UPP2: variants seen among roughly 807,000 people sequenced by gnomAD.
UPP2 encodes the protein uridine phosphorylase 2.
In UPP2, 23 loss-of-function variants were observed where a neutral mutation model predicts 26.7. The observed-to-expected ratio is 0.86, with a 90% CI of 0.62 to 1.22. UPP2 has a LOEUF of 1.22. UPP2 is among the 50% of genes most tolerant of loss of function. UPP2 has a pLI of 0.00. For synonymous variants in UPP2, 127 were observed against 141.3 expected (o/e 0.90, Z 0.72); for missense variants, 387 against 396.7 (o/e 0.98, Z 0.21).
chr2:158,004,267 G>A (rs1683452914), intron 2 of UPP2, among the ~76,000 whole-genome samples: 2 of 151,950 alleles, frequency 1.3e-5, no homozygotes, highest in Non-Finnish European at 2.9e-5. Flanking sequence ...ATCGTCGGGG[G>A]ATGATCTGCC....
At chr2:158,037,218 CA>C (rs1015149584) in intron 3 of UPP2, among the ~76,000 whole-genome samples, 4 of 149,524 alleles carry the variant, frequency 2.7e-5, no homozygotes, top group South Asian at 2.1e-4. Flanking sequence ...ACTAAAAATA[CA>C]AAAAAATTAG....
chr2:158,118,158 A>G (rs1683481982), intron 4 of UPP2, among the ~76,000 whole-genome samples: 1 of 151,804 alleles, frequency 6.6e-6, no homozygotes. Context: ...CTCACTGCCT[A>G]TTGCGGGATA....
At chr2:158,118,014 A>G in intron 4 of UPP2, 76 bp downstream of exon 4, 1 of 1,259,376 alleles carries the variant, frequency 7.9e-7, no homozygotes, top group South Asian at 1.3e-5. Context: ...ATAACATCCT[A>G]TTCAGAGCCC....
At chr2:158,038,087 C>A (rs930137232) in intron 3 of UPP2, among the ~76,000 whole-genome samples, 2 of 152,198 alleles carry the variant, frequency 1.3e-5, no homozygotes, top group Non-Finnish European at 2.9e-5. Context: ...GCCTAAAAGA[C>A]AAAGGCTCTA....
intron 3 of UPP2, among the ~76,000 whole-genome samples, chr2:158,031,935 C>T (rs1258018155): frequency 6.6e-6 from 1 of 152,142 alleles, no homozygotes; most frequent in African/African-American, 2.4e-5. Context: ...AAGATACCTC[C>T]CTCGAGTATG....
At chr2:158,094,234 C>A (rs535546019) in intron 3 of UPP2, among the ~76,000 whole-genome samples, 2 of 151,912 alleles carry the variant, frequency 1.3e-5, no homozygotes, top group Non-Finnish European at 2.9e-5. Context: ...TTAATGAAAT[C>A]TTTCCTTTAA....
At chr2:158,058,052 G>T (rs1682276296) in intron 3 of UPP2, among the ~76,000 whole-genome samples, 2 of 152,218 alleles carry the variant, frequency 1.3e-5, no homozygotes, top group East Asian at 1.9e-4. Context: ...TAGCACTTTT[G>T]GGAGGCCAAG....
intron 6 of UPP2, among the ~76,000 whole-genome samples, chr2:158,130,294 A>C (rs978770537): frequency 6.6e-5 from 10 of 151,946 alleles, no homozygotes; most frequent in African/African-American, 1.9e-4. Flanking sequence ...TACGAAAAAA[A>C]CCAAAAATTA....
chr2:158,065,124 T>C (rs1201788685), intron 3 of UPP2, among the ~76,000 whole-genome samples: 4 of 152,168 alleles, frequency 2.6e-5, no homozygotes, highest in African/African-American at 9.7e-5. Flanking sequence ...TCTGTGGTGT[T>C]CTTGGTCACA....
intron 3 of UPP2, among the ~76,000 whole-genome samples, chr2:158,068,017 T>C (rs1304936880): frequency 6.6e-6 from 1 of 152,238 alleles, no homozygotes; most frequent in East Asian, 1.9e-4. Context: ...TTAGCAATTC[T>C]GTAAAAACTT....
intron 3 of UPP2, among the ~76,000 whole-genome samples, chr2:158,031,469 A>G (rs891575440): frequency 2.0e-5 from 3 of 152,134 alleles, no homozygotes; most frequent in Non-Finnish European, 4.4e-5. Context: ...CTTTGAAGGG[A>G]CTTCCGAGAT....
At chr2:158,096,440 A>G (rs907288406) in intron 3 of UPP2, among the ~76,000 whole-genome samples, 2 of 152,166 alleles carry the variant, frequency 1.3e-5, no homozygotes, top group Non-Finnish European at 2.9e-5. Context: ...CTCTACTAAA[A>G]ATACAAAAAT....
At chr2:158,118,964 G>A (rs1279352386) in intron 4 of UPP2, among the ~76,000 whole-genome samples, 1 of 152,000 alleles carries the variant, frequency 6.6e-6, no homozygotes, top group East Asian at 1.9e-4. Flanking sequence ...GAGAAAGTAG[G>A]ACCTTTGTGG....
At chr2:158,043,676 A>G (rs1684111267) in intron 3 of UPP2, among the ~76,000 whole-genome samples, 1 of 152,228 alleles carries the variant, frequency 6.6e-6, no homozygotes, top group African/African-American at 2.4e-5. Flanking sequence ...GTGCTTGCTT[A>G]GGAGGATGCA....
intron 6 of UPP2, among the ~76,000 whole-genome samples, chr2:158,129,713 T>TTA (rs112070108): frequency 2.0e-4 from 30 of 146,366 alleles, no homozygotes; most frequent in African/African-American, 7.1e-4. Context: ...TAAACAGAGG[T>TTA]AAAAAAAAAA....
intron 3 of UPP2, among the ~76,000 whole-genome samples, chr2:158,061,589 G>T (rs1482691575): frequency 6.6e-6 from 1 of 152,164 alleles, no homozygotes; most frequent in Non-Finnish European, 1.5e-5. Context: ...GGGGGTTAGG[G>T]ATATGGGGAG....
intron 3 of UPP2, among the ~76,000 whole-genome samples, chr2:158,063,758 C>T (rs758265973): frequency 1.3e-5 from 2 of 152,160 alleles, no homozygotes; most frequent in East Asian, 1.9e-4. Context: ...GCCTCCACCC[C>T]CCGACAGGTC....
chr2:158,011,146 C>T (rs1196745434), intron 2 of UPP2, among the ~76,000 whole-genome samples: 1 of 152,186 alleles, frequency 6.6e-6, no homozygotes, highest in Non-Finnish European at 1.5e-5. Flanking sequence ...AGAGCTCATA[C>T]AGAGCGCTGC....
At chr2:158,099,714 T>C (rs1683043429), upstream of UPP2, among the ~76,000 whole-genome samples, 1 of 152,180 alleles carries the variant, frequency 6.6e-6, no homozygotes, top group African/African-American at 2.4e-5. Flanking sequence ...CTGTGCTTTC[T>C]TTTTCTAATA....
Sources: gnomAD v4.1 joint callset for allele counts (sites outside exome capture counted in the v4.1 genomes callset) on GRCh38, gnomAD v4.1.1 for gene constraint, MANE v1.5 for transcripts, NCBI Gene and HGNC (gene_info 2026-07-23, HGNC 2026-07-21) for gene names.